The following CHRM3 variants were observed in gnomAD, a reference collection of about 807,000 sequenced individuals.
CHRM3 encodes the protein cholinergic receptor muscarinic 3.
In CHRM3, 11 loss-of-function variants were observed where a neutral mutation model predicts 41.8. The ratio of observed to expected loss-of-function variants is 0.26; its 90% CI spans 0.17 to 0.44. CHRM3 has a LOEUF of 0.44. Among genes scored for constraint, CHRM3 ranks in the 20% least tolerant of loss-of-function variants. The pLI is 1.00. For synonymous variants in CHRM3, 297 were observed against 301.4 expected (o/e 0.99, Z 0.15); for missense variants, 571 against 745.4 (o/e 0.77, Z 2.72).
intron 5 of CHRM3, among the ~76,000 whole-genome samples, chr1:239,803,422 T>A (rs1299990740): frequency 6.6e-6 from 1 of 152,184 alleles, no homozygotes; most frequent in Non-Finnish European, 1.5e-5. Context: ...GGCAAGTAGC[T>A]CCACTATCAC....
At chr1:239,434,761 G>A (rs959216610) in intron 1 of CHRM3, among the ~76,000 whole-genome samples, 2 of 152,142 alleles carry the variant, frequency 1.3e-5, no homozygotes, top group Admixed American at 1.3e-4. Context: ...GAAAGAGAGA[G>A]AGATAGAGAG....
chr1:239,859,819 T>TTATA (rs55700294), intron 6 of CHRM3, among the ~76,000 whole-genome samples: 7,670 of 130,834 alleles, frequency 0.059, 317 homozygotes, highest in East Asian at 0.11. Flanking sequence ...TCTAAGTGTT[T>TTATA]TATATATATA....
intron 4 of CHRM3, among the ~76,000 whole-genome samples, chr1:239,633,886 C>T (rs1670153177): frequency 6.6e-6 from 1 of 152,218 alleles, no homozygotes; most frequent in Admixed American, 6.5e-5. Context: ...TTCTGACACT[C>T]AGAGCCAAAT....
chr1:239,715,726 G>C (rs1325788285), intron 5 of CHRM3, among the ~76,000 whole-genome samples: 1 of 152,078 alleles, frequency 6.6e-6, no homozygotes, highest in African/African-American at 2.4e-5. Context: ...TAATGAGTTG[G>C]GTGGCAAAGA....
In CHRM3 at chr1:239,386,886, T is replaced by C. The variant is rs868537944; in HGVS notation, c.-862T>C. 6.6e-6 allele frequency: 1 copy of C among 151,870 alleles called. No homozygotes were observed. 9.4% of individuals were successfully genotyped at this position (151,870 alleles called of 1,614,324 possible). ...ACTGCCGAGCCGGGAGCGCTGCCGC[T>C]TGGGCAGGTGCCGCGGCCGCTGCCC... On this transcript the variant is annotated 5_prime_UTR_variant, in exon 1 of 7. Transcript: ENST00000676153.
chr1:239,434,777 AGG>A (rs1663102442), intron 1 of CHRM3, among the ~76,000 whole-genome samples: 1 of 152,200 alleles, frequency 6.6e-6, no homozygotes, highest in Non-Finnish European at 1.5e-5. Context: ...GAGAGGGAGA[AGG>A]AGAGAAAGAG....
chr1:239,869,867 G>C (rs1572543280), intron 6 of CHRM3, among the ~76,000 whole-genome samples: 2 of 152,174 alleles, frequency 1.3e-5, no homozygotes, highest in African/African-American at 2.4e-5. Context: ...GAGTGGCATA[G>C]AGTGGCAGGG....
At chr1:239,811,360 A>C (rs1443258191) in intron 5 of CHRM3, among the ~76,000 whole-genome samples, 2 of 152,230 alleles carry the variant, frequency 1.3e-5, no homozygotes, top group African/African-American at 4.8e-5. Flanking sequence ...TGTGAAAATT[A>C]GCTTCCTTGC....
intron 6 of CHRM3, among the ~76,000 whole-genome samples, chr1:239,838,275 A>G (rs1673493411): frequency 1.3e-5 from 2 of 152,150 alleles, no homozygotes; most frequent in Admixed American, 6.5e-5. Context: ...CAGGCAACAG[A>G]GCTCCAACTT....
intron 5 of CHRM3, among the ~76,000 whole-genome samples, chr1:239,717,612 GTGGCAGGAATT>G (rs1662515382): frequency 6.6e-6 from 1 of 152,034 alleles, no homozygotes; most frequent in African/African-American, 2.4e-5. Context: ...AAGTCCTAGT[GTGGCAGGAATT>G]TGGGATTCAA....
At chr1:239,729,707 T>C (rs1453145817) in intron 5 of CHRM3, among the ~76,000 whole-genome samples, 1 of 151,516 alleles carries the variant, frequency 6.6e-6, no homozygotes, top group Admixed American at 6.6e-5. Context: ...TTGGATGATC[T>C]GTATAACTCA....
chr1:239,816,528 A>G (rs1671598796), intron 5 of CHRM3, among the ~76,000 whole-genome samples: 1 of 152,086 alleles, frequency 6.6e-6, no homozygotes, highest in African/African-American at 2.4e-5. Context: ...CCAGACCTCC[A>G]GATAACAAGC....
chr1:239,813,833 C>G (rs1477601588), intron 5 of CHRM3, among the ~76,000 whole-genome samples: 1 of 136,346 alleles, frequency 7.3e-6, no homozygotes, highest in Non-Finnish European at 1.5e-5. Flanking sequence ...AGGAGAATGG[C>G]GTGAACCCGG....
chr1:239,447,763 C>T (rs923698217), intron 1 of CHRM3, among the ~76,000 whole-genome samples: 3 of 151,574 alleles, frequency 2.0e-5, no homozygotes, highest in East Asian at 1.9e-4. Flanking sequence ...GCGAAAAGAG[C>T]GAAATTCTGT....
At chr1:239,706,159 CATAT>C (rs983505351) in intron 5 of CHRM3, among the ~76,000 whole-genome samples, 1 of 148,876 alleles carries the variant, frequency 6.7e-6, no homozygotes, top group Admixed American at 6.7e-5. Context: ...TACAAACTAA[CATAT>C]ATTATATATA....
intron 3 of CHRM3, among the ~76,000 whole-genome samples, chr1:239,621,463 T>C (rs1019916472): frequency 1.7e-4 from 26 of 152,154 alleles, no homozygotes; most frequent in African/African-American, 6.3e-4. Flanking sequence ...AAGTGATGCC[T>C]CTTACACCAA....
intron 6 of CHRM3, among the ~76,000 whole-genome samples, chr1:239,862,262 C>T (rs1355084305): frequency 2.0e-5 from 3 of 152,168 alleles, no homozygotes; most frequent in African/African-American, 7.2e-5. Context: ...TAGTCTGTTT[C>T]CCTGTTAGAA....
chr1:239,725,751 A>C (rs1663379229), intron 5 of CHRM3, among the ~76,000 whole-genome samples: 1 of 151,944 alleles, frequency 6.6e-6, no homozygotes, highest in African/African-American at 2.4e-5. Context: ...GTCTGTCTGG[A>C]ATTTGCAAAC....
chr1:239,672,221 G>A (rs751684113), intron 4 of CHRM3, among the ~76,000 whole-genome samples: 4 of 152,092 alleles, frequency 2.6e-5, no homozygotes, highest in Non-Finnish European at 5.9e-5. Flanking sequence ...CAATGAGGAC[G>A]GGATGCCATC....
Sources: gnomAD v4.1 joint callset for allele counts (sites outside exome capture counted in the v4.1 genomes callset) on GRCh38, gnomAD v4.1.1 for gene constraint, MANE v1.5 for transcripts, NCBI Gene and HGNC (gene_info 2026-07-23, HGNC 2026-07-21) for gene names.